ECM2: variants seen among roughly 807,000 people sequenced by gnomAD.
The protein encoded by ECM2 is extracellular matrix protein 2, female organ and adipocyte specific.
A neutral mutation model predicts 67.5 loss-of-function variants in ECM2; 57 were observed. The observed-to-expected ratio is 0.84, with a 90% CI of 0.68 to 1.05. The LOEUF (loss-of-function observed/expected upper bound fraction) is 1.05. ECM2 is among the 50% of genes least tolerant of loss of function. The probability of loss-of-function intolerance (pLI) is 0.00; values close to 1 mark genes in which losing one functional copy is unlikely to be tolerated. For synonymous variants in ECM2, 258 were observed against 294.5 expected (o/e 0.88, Z 1.27); for missense variants, 741 against 822.8 (o/e 0.90, Z 1.22).
At chr9:92,541,746 G>A in the ECM2 span, among the ~76,000 whole-genome samples, 1 of 151,922 alleles carries the variant, frequency 6.6e-6, no homozygotes, top group South Asian at 2.1e-4. Flanking sequence ...GAATAATGCT[G>A]CAGTAAACAT....
intron 7 of ECM2, among the ~76,000 whole-genome samples, chr9:92,503,219 G>T (rs186139771): frequency 3.3e-5 from 5 of 152,118 alleles, no homozygotes; most frequent in Admixed American, 1.3e-4. Context: ...AATTATACAA[G>T]GCTCTCTATT....
intron 8 of ECM2, 79 bp downstream of exon 8, chr9:92,502,434 T>C (rs1239799517): frequency 6.5e-7 from 1 of 1,528,602 alleles, no homozygotes; most frequent in Non-Finnish European, 9.0e-7. Context: ...CTTATCCCAT[T>C]CCCAGTTTCC....
At chr9:92,557,386 G>A in the ECM2 span, among the ~76,000 whole-genome samples, 1 of 152,204 alleles carries the variant, frequency 6.6e-6, no homozygotes, top group African/African-American at 2.4e-5. Context: ...GGCTGGGGAA[G>A]TTTTCCTCAA....
At chr9:92,535,277 C>T (rs1244350494) in intron 1 of ECM2, among the ~76,000 whole-genome samples, 1 of 151,982 alleles carries the variant, frequency 6.6e-6, no homozygotes, top group Non-Finnish European at 1.5e-5. Flanking sequence ...ATGCTTAGGC[C>T]CTCATTATTT....
chr9:92,539,549 G>T (rs565913385), upstream of ECM2, among the ~76,000 whole-genome samples: 53 of 152,142 alleles, frequency 3.5e-4, no homozygotes, highest in East Asian at 1.9e-3. Flanking sequence ...ATTAAGTATA[G>T]CCTACTTACT....
intron 1 of ECM2, among the ~76,000 whole-genome samples, chr9:92,533,317 AAAAAAAAAAAAAT>A (rs1459551647): frequency 0.014 from 1,515 of 104,484 alleles, 5 homozygotes; most frequent in Middle Eastern, 0.02. Flanking sequence ...AAAAAAAAAA[AAAAAAAAAAAAAT>A]ATATATATAT....
intron 1 of ECM2, among the ~76,000 whole-genome samples, chr9:92,533,328 A>AAAAAAATATATATATATAT (rs1554683138): frequency 5.2e-5 from 2 of 38,332 alleles, no homozygotes; most frequent in Non-Finnish European, 8.5e-5. Flanking sequence ...AAAAAAAAAA[A>AAAAAAATATATATATATAT]ATATATATAT....
the ECM2 span, among the ~76,000 whole-genome samples, chr9:92,549,507 C>T: frequency 3.9e-5 from 6 of 152,108 alleles, no homozygotes; most frequent in African/African-American, 1.2e-4. Flanking sequence ...ATTAGCTGGG[C>T]GTTGTGGCAC....
the ECM2 span, among the ~76,000 whole-genome samples, chr9:92,553,780 T>C: frequency 6.6e-6 from 1 of 152,226 alleles, no homozygotes; most frequent in Non-Finnish European, 1.5e-5. Flanking sequence ...CTGGAAACTT[T>C]GCTAAATTCT....
At chr9:92,546,389 C>T in the ECM2 span, among the ~76,000 whole-genome samples, 5 of 152,186 alleles carry the variant, frequency 3.3e-5, no homozygotes, top group African/African-American at 1.2e-4. Flanking sequence ...AATCTTGCTG[C>T]TGCTCACTCT....
the ECM2 span, among the ~76,000 whole-genome samples, chr9:92,551,251 G>T: frequency 3.6e-3 from 552 of 152,204 alleles, 6 homozygotes; most frequent in African/African-American, 0.013. Flanking sequence ...AGAAAATTTG[G>T]GTGAGAAATA....
intron 1 of ECM2, among the ~76,000 whole-genome samples, chr9:92,526,308 T>C (rs1848406998): frequency 6.6e-6 from 1 of 152,224 alleles, no homozygotes; most frequent in Non-Finnish European, 1.5e-5. Flanking sequence ...AAAATATTTT[T>C]GTACAACTGT....
chr9:92,509,206 C>T (rs1445665010), intron 6 of ECM2, among the ~76,000 whole-genome samples: 3 of 151,846 alleles, frequency 2.0e-5, no homozygotes, highest in Non-Finnish European at 2.9e-5. Flanking sequence ...ATCCACATGC[C>T]GTGGGGTGTG....
chr9:92,512,224 G>C, intron 4 of ECM2, 98 bp from the exon 5 acceptor site: 3 of 672,038 alleles, frequency 4.5e-6, no homozygotes, highest in Non-Finnish European at 7.5e-6. Context: ...AGAGAGCTTT[G>C]TCTGGAGGAG....
intron 6 of ECM2, among the ~76,000 whole-genome samples, chr9:92,508,103 T>C (rs1847113929): frequency 6.6e-6 from 1 of 152,072 alleles, no homozygotes; most frequent in Non-Finnish European, 1.5e-5. Flanking sequence ...GGCCACCTGC[T>C]TCCACACAGA....
chr9:92,542,709 G>T, the ECM2 span, among the ~76,000 whole-genome samples: 1 of 152,152 alleles, frequency 6.6e-6, no homozygotes, highest in Non-Finnish European at 1.5e-5. Flanking sequence ...TAGAGACAAG[G>T]TTTCAGCATG....
At chr9:92,542,970 G>T in the ECM2 span, among the ~76,000 whole-genome samples, 2 of 152,112 alleles carry the variant, frequency 1.3e-5, no homozygotes, top group African/African-American at 4.8e-5. Context: ...ATTTATTGAA[G>T]AAACTCTTCT....
At chr9:92,555,034 T>C in the ECM2 span, among the ~76,000 whole-genome samples, 1 of 150,590 alleles carries the variant, frequency 6.6e-6, no homozygotes, top group African/African-American at 2.5e-5. Context: ...GTTGTTGTTG[T>C]TGTTGTGTCC....
In ECM2 at chr9:92,510,030, A is replaced by C; in HGVS notation, c.1175T>G (p.Leu392Arg). The change falls in exon 6 of 10, where the codon CTG becomes CGG. Residue 392 changes from leucine (L) to arginine (R), a missense_variant. Coordinates refer to ENST00000344604, the MANE Select transcript of ECM2 (RefSeq NM_001393.4). ...CATATTCAAACGCATTAACTTCTTC[A>C]GAAGCTTAAAAAGCAAATCTCAAAG... The part of the protein sequence containing the change: ...SGIGPKAFKL[L>R]KKLMRLNMDG... 6.3e-7 allele frequency: 1 copy of C among 1,591,038 alleles called. No homozygotes were observed. Among genetic ancestry groups the C allele is most frequent in the Non-Finnish European group, 8.5e-7 (1 of 1,173,136 alleles).
Sources: gnomAD v4.1 joint callset for allele counts (sites outside exome capture counted in the v4.1 genomes callset) on GRCh38, gnomAD v4.1.1 for gene constraint, MANE v1.5 for transcripts, NCBI Gene and HGNC (gene_info 2026-07-23, HGNC 2026-07-21) for gene names.